The following PLPP1 variants were observed in gnomAD, a reference collection of about 807,000 sequenced individuals.
The protein encoded by PLPP1 is lipid phosphate phosphohydrolase 1a.
In PLPP1, 24 loss-of-function variants were observed where a neutral mutation model predicts 31.2. The ratio of observed to expected loss-of-function variants is 0.77; its 90% CI spans 0.56 to 1.08. PLPP1 has a LOEUF of 1.08. Among genes scored for constraint, PLPP1 ranks in the 50% least tolerant of loss-of-function variants. The probability of loss-of-function intolerance (pLI) is 0.00; values close to 1 mark genes in which losing one functional copy is unlikely to be tolerated. For missense variants in PLPP1, 319 were observed against 342.7 expected, an observed-to-expected ratio of 0.93 and a Z score of 0.55; for synonymous variants, 146 against 126.3, an observed-to-expected ratio of 1.16 and a Z score of -1.05.
intron 1 of PLPP1, among the ~76,000 whole-genome samples, chr5:55,497,268 C>A (rs1013348978): frequency 1.3e-5 from 2 of 151,988 alleles, no homozygotes; most frequent in African/African-American, 4.8e-5. Context: ...TTTTAAGAGA[C>A]TGGGTCTTAC....
chr5:55,477,334 C>T (rs367661609), intron 1 of PLPP1, among the ~76,000 whole-genome samples: 1 of 152,020 alleles, frequency 6.6e-6, no homozygotes, highest in Non-Finnish European at 1.5e-5. Flanking sequence ...AATAACCATA[C>T]TCTAACCCAA....
chr5:55,486,293 T>C (rs1180817336), intron 1 of PLPP1, among the ~76,000 whole-genome samples: 3 of 152,160 alleles, frequency 2.0e-5, no homozygotes, highest in Admixed American at 1.3e-4. Context: ...AGTTATAAAA[T>C]ATATAAAGTG....
intron 1 of PLPP1, among the ~76,000 whole-genome samples, chr5:55,512,548 G>T (rs55724979): frequency 7.5e-5 from 1 of 13,392 alleles, no homozygotes; most frequent in Non-Finnish European, 3.5e-4. Context: ...AAGAAAGAAA[G>T]AAAGAAAGAA....
chr5:55,499,754 A>C (rs1042700934), intron 1 of PLPP1, among the ~76,000 whole-genome samples: 2 of 152,166 alleles, frequency 1.3e-5, no homozygotes, highest in Admixed American at 6.5e-5. Context: ...AATGGAAACA[A>C]ACATTGACTG....
intron 1 of PLPP1, among the ~76,000 whole-genome samples, chr5:55,500,569 CT>C (rs2111879161): frequency 1.3e-5 from 2 of 152,114 alleles, no homozygotes; most frequent in East Asian, 3.9e-4. Context: ...ACTGTATATA[CT>C]TCCATGTTTG....
chr5:55,436,618 G>A (rs754488498), intron 4 of PLPP1, among the ~76,000 whole-genome samples: 11 of 152,162 alleles, frequency 7.2e-5, no homozygotes, highest in Non-Finnish European at 1.5e-5. Flanking sequence ...CGCTTGTGAA[G>A]AGCCTCATGA....
chr5:55,475,496 A>G, intron 1 of PLPP1, 46 bp from the exon 2 acceptor site: 7 of 1,486,730 alleles, frequency 4.7e-6, no homozygotes, highest in Non-Finnish European at 6.4e-6. Context: ...AAGAAATATC[A>G]AAACTAATTA....
chr5:55,481,008 A>ATTTCTATTTCT (rs1406116903), intron 1 of PLPP1, among the ~76,000 whole-genome samples: 1 of 152,224 alleles, frequency 6.6e-6, no homozygotes, highest in African/African-American at 2.4e-5. Context: ...TTTACCAGTG[A>ATTTCTATTTCT]ATATTTATAA....
At chr5:55,437,896 G>GTA (rs2111695177) in intron 4 of PLPP1, among the ~76,000 whole-genome samples, 2 of 151,870 alleles carry the variant, frequency 1.3e-5, no homozygotes, top group Middle Eastern at 3.4e-3. Flanking sequence ...AATGCTAGGA[G>GTA]GTATACAGTG....
chr5:55,531,427 G>C (rs565242039), intron 1 of PLPP1, among the ~76,000 whole-genome samples: 1 of 152,290 alleles, frequency 6.6e-6, no homozygotes, highest in South Asian at 2.1e-4. Flanking sequence ...TAAAGTAGTT[G>C]TACAACAGGT....
chr5:55,507,763 C>G (rs183780806), intron 1 of PLPP1, among the ~76,000 whole-genome samples: 195 of 152,200 alleles, frequency 1.3e-3, no homozygotes, highest in African/African-American at 4.3e-3. Context: ...CCAGCAGGCT[C>G]TCAGTCTCAT....
chr5:55,506,353 C>G (rs749739555), intron 1 of PLPP1, among the ~76,000 whole-genome samples: 25 of 150,730 alleles, frequency 1.7e-4, no homozygotes, highest in Non-Finnish European at 3.4e-4. Flanking sequence ...GTGCACAGCA[C>G]TTGAGTGAAC....
intron 4 of PLPP1, among the ~76,000 whole-genome samples, chr5:55,440,556 G>A (rs1266905900): frequency 6.6e-6 from 1 of 152,144 alleles, no homozygotes; most frequent in African/African-American, 2.4e-5. Context: ...TTGAGTGTGT[G>A]TCTTAAAAAG....
intron 3 of PLPP1, among the ~76,000 whole-genome samples, chr5:55,462,654 T>A (rs1752190658): frequency 1.3e-5 from 2 of 152,144 alleles, no homozygotes; most frequent in Admixed American, 1.3e-4. Flanking sequence ...TTAAAACTTT[T>A]AAGCTTGAAA....
chr5:55,490,939 C>T, intron 1 of PLPP1: 3 of 1,598,620 alleles, frequency 1.9e-6, no homozygotes, highest in Non-Finnish European at 1.7e-6. Flanking sequence ...CCCATCACTA[C>T]CTACTTATTA....
chr5:55,531,532 C>G (rs1050355240), intron 1 of PLPP1, among the ~76,000 whole-genome samples: 1 of 152,170 alleles, frequency 6.6e-6, no homozygotes, highest in Non-Finnish European at 1.5e-5. Context: ...AATTATGAAC[C>G]ACTTTCACAA....
At chr5:55,522,159 C>T (rs1753683410) in intron 1 of PLPP1, among the ~76,000 whole-genome samples, 1 of 152,206 alleles carries the variant, frequency 6.6e-6, no homozygotes, top group South Asian at 2.1e-4. Flanking sequence ...GAATGCATTA[C>T]CAAAGGTCAC....
intron 1 of PLPP1, among the ~76,000 whole-genome samples, chr5:55,479,549 G>A (rs111804094): frequency 4.4e-4 from 67 of 152,276 alleles, no homozygotes; most frequent in African/African-American, 1.5e-3. Flanking sequence ...ACAACACTGA[G>A]CCATGTACAA....
intron 1 of PLPP1, among the ~76,000 whole-genome samples, chr5:55,529,654 T>C (rs1052091801): frequency 1.3e-5 from 2 of 152,210 alleles, no homozygotes; most frequent in African/African-American, 4.8e-5. Flanking sequence ...TTTCTTATAG[T>C]TGAATTTTTC....
Sources: gnomAD v4.1 joint callset for allele counts (sites outside exome capture counted in the v4.1 genomes callset) on GRCh38, gnomAD v4.1.1 for gene constraint, MANE v1.5 for transcripts, NCBI Gene and HGNC (gene_info 2026-07-23, HGNC 2026-07-21) for gene names.